The following CDH10 variants were observed in gnomAD, a reference collection of about 807,000 sequenced individuals.
CDH10 encodes cadherin 10, also known as cadherin-10.
In CDH10, 30 loss-of-function variants were observed where a neutral mutation model predicts 73.1. The observed-to-expected ratio is 0.41, with a 90% CI of 0.31 to 0.56. The LOEUF (loss-of-function observed/expected upper bound fraction) is 0.56, where lower values mean the gene tolerates loss of function less well. Ranked by LOEUF, CDH10 falls within the 20% of genes least tolerant of loss-of-function variation. The probability of loss-of-function intolerance (pLI) is 0.27; values close to 1 mark genes in which losing one functional copy is unlikely to be tolerated. For missense variants in CDH10, 815 were observed against 973.7 expected, an observed-to-expected ratio of 0.84 and a Z score of 2.17; for synonymous variants, 345 against 348.2, an observed-to-expected ratio of 0.99 and a Z score of 0.10.
chr5:24,522,930 T>C (rs879387907), intron 5 of CDH10, among the ~76,000 whole-genome samples: 13 of 152,132 alleles, frequency 8.5e-5, no homozygotes, highest in Non-Finnish European at 1.8e-4. Context: ...AAAAAAAATT[T>C]CATACATTTA....
intron 2 of CDH10, among the ~76,000 whole-genome samples, chr5:24,580,217 G>A (rs1745748162): frequency 6.6e-6 from 1 of 151,600 alleles, no homozygotes. Context: ...ATGTCATGGG[G>A]GTTTGTTATA....
chr5:24,509,932 A>C, intron 6 of CDH10, 113 bp from the exon 7 acceptor site: 1 of 677,744 alleles, frequency 1.5e-6, no homozygotes, highest in Non-Finnish European at 2.4e-6. Context: ...ATAGTTCATT[A>C]ATTATAAATA....
At chr5:24,498,575 A>C in intron 8 of CDH10, 56 bp from the exon 9 acceptor site, 1 of 1,254,860 alleles carries the variant, frequency 8.0e-7, no homozygotes, top group Non-Finnish European at 1.2e-6. Context: ...CATCAAATTT[A>C]ATTTATATAG....
At chr5:24,615,363 A>G (rs974602071) in intron 1 of CDH10, among the ~76,000 whole-genome samples, 7 of 152,182 alleles carry the variant, frequency 4.6e-5, no homozygotes, top group African/African-American at 7.2e-5. Context: ...GACATTCTTG[A>G]TCAGTTTATC....
intron 2 of CDH10, among the ~76,000 whole-genome samples, chr5:24,546,386 C>T (rs939451340): frequency 1.1e-4 from 16 of 152,082 alleles, no homozygotes; most frequent in Admixed American, 6.6e-4. Flanking sequence ...AGGGATTGCT[C>T]GATTGACTGA....
intron 2 of CDH10, among the ~76,000 whole-genome samples, chr5:24,567,411 G>A (rs1225404506): frequency 1.3e-5 from 2 of 150,598 alleles, no homozygotes; most frequent in Admixed American, 6.6e-5. Context: ...AACAGGAAAC[G>A]AGATACACAA....
At chr5:24,622,068 G>T (rs1747336786) in intron 1 of CDH10, among the ~76,000 whole-genome samples, 1 of 152,174 alleles carries the variant, frequency 6.6e-6, no homozygotes. Context: ...AGAGACATTT[G>T]CACAGAAGAC....
At chr5:24,612,790 T>C (rs558840575) in intron 1 of CDH10, 49 of 152,334 alleles carry the variant, frequency 3.2e-4, no homozygotes, top group African/African-American at 1.1e-3. Flanking sequence ...TACAGTAAGA[T>C]TGATTAATAG....
At chr5:24,573,897 A>T (rs1026060321) in intron 2 of CDH10, among the ~76,000 whole-genome samples, 6 of 148,808 alleles carry the variant, frequency 4.0e-5, no homozygotes, top group African/African-American at 1.5e-4. Context: ...AAATATATAT[A>T]TTTTTGAGAC....
intron 1 of CDH10, among the ~76,000 whole-genome samples, chr5:24,610,303 G>T (rs1746900958): frequency 6.6e-6 from 1 of 152,176 alleles, no homozygotes; most frequent in African/African-American, 2.4e-5. Context: ...GTGTTGGACT[G>T]TAGAAAAGAA....
intron 1 of CDH10, among the ~76,000 whole-genome samples, chr5:24,600,675 A>G (rs1251830608): frequency 6.6e-6 from 1 of 152,156 alleles, no homozygotes; most frequent in Non-Finnish European, 1.5e-5. Flanking sequence ...AGGAGTTAAA[A>G]TGAGTTGTGG....
chr5:24,589,328 C>T (rs1746126491), intron 2 of CDH10, among the ~76,000 whole-genome samples: 2 of 151,938 alleles, frequency 1.3e-5, no homozygotes, highest in South Asian at 4.1e-4. Context: ...AATGGTAACT[C>T]TGAAGGGAAG....
intron 5 of CDH10, among the ~76,000 whole-genome samples, chr5:24,531,596 A>G (rs1361227645): frequency 6.6e-6 from 1 of 152,050 alleles, no homozygotes; most frequent in Non-Finnish European, 1.5e-5. Context: ...GATAGCTTGT[A>G]TAGAGGAACT....
intron 1 of CDH10, among the ~76,000 whole-genome samples, chr5:24,634,839 CTG>C (rs1036854437): frequency 3.3e-5 from 5 of 151,652 alleles, no homozygotes; most frequent in African/African-American, 1.2e-4. Context: ...AAGAAAAAAA[CTG>C]TGATATAATC....
chr5:24,573,546 AG>A (rs1201032964), intron 2 of CDH10, among the ~76,000 whole-genome samples: 1 of 151,714 alleles, frequency 6.6e-6, no homozygotes, highest in Non-Finnish European at 1.5e-5. Flanking sequence ...CTAAAAATAC[AG>A]AAAATTAGCC....
chr5:24,572,475 T>C (rs1044646866), intron 2 of CDH10, among the ~76,000 whole-genome samples: 1 of 151,892 alleles, frequency 6.6e-6, no homozygotes, highest in Non-Finnish European at 1.5e-5. Context: ...GACCTGAGGA[T>C]CTTAAAAAAG....
At chr5:24,531,617 A>G (rs1326257120) in intron 5 of CDH10, among the ~76,000 whole-genome samples, 2 of 152,002 alleles carry the variant, frequency 1.3e-5, no homozygotes, top group African/African-American at 4.8e-5. Flanking sequence ...CCCAATTATA[A>G]TACCATCGGA....
At chr5:24,584,295 G>C (rs1470909365) in intron 2 of CDH10, among the ~76,000 whole-genome samples, 3 of 151,798 alleles carry the variant, frequency 2.0e-5, no homozygotes, top group Non-Finnish European at 4.4e-5. Flanking sequence ...GATGAGAAAG[G>C]TCTTTTTAAA....
chr5:24,552,164 C>T (rs1427343970), intron 2 of CDH10, among the ~76,000 whole-genome samples: 2 of 152,042 alleles, frequency 1.3e-5, no homozygotes, highest in African/African-American at 4.8e-5. Context: ...TAATGTCTTT[C>T]ACTACAATTT....
Sources: gnomAD v4.1 joint callset for allele counts (sites outside exome capture counted in the v4.1 genomes callset) on GRCh38, gnomAD v4.1.1 for gene constraint, MANE v1.5 for transcripts, NCBI Gene and HGNC (gene_info 2026-07-23, HGNC 2026-07-21) for gene names.